Variants in ASAP2 observed in about 807,000 individuals in gnomAD.
ASAP2 encodes arf-GAP with SH3 domain, ANK repeat and PH domain-containing protein 2.
ASAP2 carries 45 observed loss-of-function variants against 131.4 expected under a neutral mutation model. That is an observed-to-expected ratio of 0.34 (90% CI 0.27 to 0.44). The LOEUF is 0.44. ASAP2 is among the 20% of genes least tolerant of loss of function. The pLI is 1.00. For synonymous variants in ASAP2, 510 were observed against 503.0 expected (o/e 1.01, Z -0.19); for missense variants, 1,011 against 1,297.0 (o/e 0.78, Z 3.39).
At chr2:9,266,089 A>C (rs993765911) in intron 1 of ASAP2, among the ~76,000 whole-genome samples, 1 of 151,560 alleles carries the variant, frequency 6.6e-6, no homozygotes, top group Non-Finnish European at 1.5e-5. Flanking sequence ...CCAGCCCATA[A>C]GCTTGTAATT....
At chr2:9,368,334 A>G (rs1033997649) in intron 15 of ASAP2, 91 bp from the exon 16 acceptor site, 25 of 1,185,710 alleles carry the variant, frequency 2.1e-5, no homozygotes, top group Non-Finnish European at 2.8e-5. Context: ...CTTAGTGGCC[A>G]TTAAATAAAT....
chr2:9,332,647 G>A (rs772145810), intron 7 of ASAP2, among the ~76,000 whole-genome samples: 3 of 152,140 alleles, frequency 2.0e-5, no homozygotes, highest in East Asian at 1.9e-4. Flanking sequence ...TTGCCAGGTC[G>A]CAAAGATTCT....
At chr2:9,310,877 T>G (rs959952093) in intron 3 of ASAP2, among the ~76,000 whole-genome samples, 7 of 152,228 alleles carry the variant, frequency 4.6e-5, no homozygotes, top group African/African-American at 1.2e-4. Context: ...TTCTGGCCTA[T>G]CTTTGTTTGC....
chr2:9,295,671 T>A (rs1331291896), intron 2 of ASAP2, among the ~76,000 whole-genome samples: 1 of 152,254 alleles, frequency 6.6e-6, no homozygotes. Context: ...TGTGCACATG[T>A]ATGTTTCTGT....
At chr2:9,238,675 T>C (rs1272477221) in intron 1 of ASAP2, among the ~76,000 whole-genome samples, 1 of 152,152 alleles carries the variant, frequency 6.6e-6, no homozygotes, top group Non-Finnish European at 1.5e-5. Context: ...TTTGTTTCCC[T>C]TTTTGGCCAG....
intron 7 of ASAP2, among the ~76,000 whole-genome samples, chr2:9,329,440 G>A (rs920634160): frequency 1.3e-5 from 2 of 152,186 alleles, no homozygotes; most frequent in Non-Finnish European, 2.9e-5. Flanking sequence ...TCTCATGGGG[G>A]AGGCAAGTAG....
chr2:9,375,064 G>T, intron 17 of ASAP2, 120 bp downstream of exon 17: 1 of 619,448 alleles, frequency 1.6e-6, no homozygotes, highest in Non-Finnish European at 2.4e-6. Flanking sequence ...GAGCTCAGGA[G>T]TTTGAGATCA....
At chr2:9,390,740 C>T (rs762430706) in intron 22 of ASAP2, among the ~76,000 whole-genome samples, 3 of 152,114 alleles carry the variant, frequency 2.0e-5, no homozygotes, top group Admixed American at 6.6e-5. Context: ...GTGCAGTGTT[C>T]GCAAGAGAAC....
At chr2:9,384,942 C>T (rs928170489) in intron 20 of ASAP2, among the ~76,000 whole-genome samples, 3 of 152,232 alleles carry the variant, frequency 2.0e-5, no homozygotes, top group African/African-American at 7.2e-5. Context: ...GATTCTGTCT[C>T]CTGAGGCCTT....
At chr2:9,354,552 G>A (rs939802229) in intron 12 of ASAP2, among the ~76,000 whole-genome samples, 5 of 151,606 alleles carry the variant, frequency 3.3e-5, no homozygotes, top group African/African-American at 1.2e-4. Context: ...TGGGAAGATC[G>A]CTTGAGCCTG....
chr2:9,376,757 G>A (rs1291269680), intron 17 of ASAP2, 151 bp from the exon 18 acceptor site: 3 of 672,958 alleles, frequency 4.5e-6, no homozygotes, highest in Non-Finnish European at 7.6e-6. Flanking sequence ...AAGAGCTTGT[G>A]TAGAGATTAA....
At chr2:9,345,401 G>A (rs538713007) in intron 11 of ASAP2, among the ~76,000 whole-genome samples, 14 of 152,120 alleles carry the variant, frequency 9.2e-5, no homozygotes, top group Non-Finnish European at 1.6e-4. Flanking sequence ...ATGAAAAGCC[G>A]GTCAGGATAA....
intron 1 of ASAP2, among the ~76,000 whole-genome samples, chr2:9,246,599 A>G (rs1664356169): frequency 6.6e-6 from 1 of 152,176 alleles, no homozygotes; most frequent in Admixed American, 6.5e-5. Flanking sequence ...CTGTGTGAAA[A>G]TTGTAATCAT....
chr2:9,356,383 C>G, intron 14 of ASAP2, 38 bp downstream of exon 14: 1 of 1,515,526 alleles, frequency 6.6e-7, no homozygotes, highest in Non-Finnish European at 8.8e-7. Flanking sequence ...GGCTCTAGGA[C>G]ATTTCAATCC....
chr2:9,326,436 A>T (rs763389137), intron 6 of ASAP2, among the ~76,000 whole-genome samples: 5 of 151,912 alleles, frequency 3.3e-5, no homozygotes, highest in Non-Finnish European at 7.4e-5. Context: ...CAGTATGTCA[A>T]ATAGGTAGTA....
chr2:9,392,617 T>G lies in ASAP2; in HGVS notation c.2519-865T>G, dbSNP rs1388263174. Among the ~76,000 whole-genome samples, 1 of 152,198 alleles carries G rather than the reference T, an allele frequency of 6.6e-6. No homozygotes were observed. The highest frequency in any genetic ancestry group is 6.5e-5 in the Admixed American group (1 of 15,286). ...CATTTGTGTGCTAGAGTCAGACTTT[T>G]GAGTTTTCCTTTAAATTGGAAAAAG... is the stretch of plus-strand genomic sequence containing the variant. On this transcript the variant is annotated intron_variant, in intron 23 of 27. Coordinates refer to ENST00000281419, the MANE Select transcript of ASAP2 (RefSeq NM_003887.3). The surrounding 1 kb of genome is among the most constrained non-coding windows in gnomAD (Gnocchi z 4.0).
At chr2:9,391,009 T>C (rs1675673510) in intron 22 of ASAP2, 53 bp from the exon 23 acceptor site, 2 of 1,613,014 alleles carry the variant, frequency 1.2e-6, no homozygotes, top group Admixed American at 3.3e-5. Flanking sequence ...TTTGTTCGTG[T>C]GTGCACGTGT....
chr2:9,221,709 A>G (rs933373022), intron 1 of ASAP2, among the ~76,000 whole-genome samples: 7 of 152,292 alleles, frequency 4.6e-5, no homozygotes, highest in Non-Finnish European at 8.8e-5. Context: ...TTGTATGTGT[A>G]TTCCTTAGGA....
At chr2:9,330,912 G>A (rs1314708287) in intron 7 of ASAP2, among the ~76,000 whole-genome samples, 1 of 152,202 alleles carries the variant, frequency 6.6e-6, no homozygotes, top group Non-Finnish European at 1.5e-5. Context: ...TTTTGGATAT[G>A]AGAGAGAGTG....
Sources: gnomAD v4.1 joint callset for allele counts (sites outside exome capture counted in the v4.1 genomes callset) on GRCh38, gnomAD v4.1.1 for gene constraint, Gnocchi (gnomAD v3.1) non-coding constraint, MANE v1.5 for transcripts, NCBI Gene and HGNC (gene_info 2026-07-23, HGNC 2026-07-21) for gene names.